The following ASIC2 variants were observed in gnomAD, a reference collection of about 807,000 sequenced individuals.
The protein encoded by ASIC2 is acid-sensing ion channel 2.
ASIC2 carries 25 observed loss-of-function variants against 57.3 expected under a neutral mutation model. The ratio of observed to expected loss-of-function variants is 0.44; its 90% CI spans 0.32 to 0.61. The LOEUF (loss-of-function observed/expected upper bound fraction) is 0.61, where lower values mean the gene tolerates loss of function less well. Among genes scored for constraint, ASIC2 ranks in the 20% least tolerant of loss-of-function variants. The pLI is 0.06. For synonymous variants in ASIC2, 319 were observed against 307.5 expected (o/e 1.04, Z -0.39); for missense variants, 641 against 738.1 (o/e 0.87, Z 1.52).
At chr17:33,517,986 G>A (rs945874669) in intron 1 of ASIC2, among the ~76,000 whole-genome samples, 15 of 152,216 alleles carry the variant, frequency 9.9e-5, no homozygotes, top group African/African-American at 3.6e-4. Context: ...TGCATGCTGG[G>A]AGCTGGCCTG....
rs906453369 is a variant in ASIC2, at chr17:34,045,587, G to A, written c.555+110391C>T. Among the ~76,000 whole-genome samples, 14 of 152,092 alleles carry A rather than the reference G, an allele frequency of 9.2e-5. 1 individual carries two copies. Among genetic ancestry groups the A allele is most frequent in the African/African-American group, 1.4e-4 (6 of 41,398 alleles). ...GCTACTGTCTGTCTATATGACTTTC[G>A]GCAAGTTACTTTCCCTGCATGGACT... On this transcript the variant is annotated intron_variant, in intron 1 of 9. Coordinates refer to the ASIC2 transcript ENST00000359872.
chr17:33,932,753 TATATATATAG>T (rs1273483789), intron 1 of ASIC2: 7 of 131,090 alleles, frequency 5.3e-5, no homozygotes, highest in African/African-American at 2.0e-4. Flanking sequence ...TATATATATA[TATATATATAG>T]TATGATAAAT....
At chr17:33,328,665 C>T (rs756513657) in intron 1 of ASIC2, among the ~76,000 whole-genome samples, 1 of 152,204 alleles carries the variant, frequency 6.6e-6, no homozygotes, top group African/African-American at 2.4e-5. Context: ...AGGATTTCCT[C>T]TCATCCACTC....
chr17:33,406,057 G>T (rs1244205620), intron 1 of ASIC2, among the ~76,000 whole-genome samples: 1 of 152,096 alleles, frequency 6.6e-6, no homozygotes, highest in Non-Finnish European at 1.5e-5. Context: ...CTTTGCCCTG[G>T]CTCCTTCTGC....
chr17:34,066,433 ATG>A (rs1424311424), intron 1 of ASIC2, among the ~76,000 whole-genome samples: 1 of 152,038 alleles, frequency 6.6e-6, no homozygotes, highest in Non-Finnish European at 1.5e-5. Context: ...CTCAGCATCT[ATG>A]TTTTTTTAAT....
At chr17:33,120,324 T>C (rs1476516353) in intron 1 of ASIC2, among the ~76,000 whole-genome samples, 1 of 152,154 alleles carries the variant, frequency 6.6e-6, no homozygotes, top group Non-Finnish European at 1.5e-5. Context: ...TCCAGAGAGC[T>C]TCAGACCGTG....
At chr17:33,759,184 G>A (rs1910703464) in intron 1 of ASIC2, among the ~76,000 whole-genome samples, 1 of 152,194 alleles carries the variant, frequency 6.6e-6, no homozygotes, top group Admixed American at 6.5e-5. Flanking sequence ...GGTGAACAAG[G>A]TATTGGAAAC....
At chr17:33,551,740 C>A (rs1915758520) in intron 1 of ASIC2, among the ~76,000 whole-genome samples, 1 of 152,206 alleles carries the variant, frequency 6.6e-6, no homozygotes, top group East Asian at 1.9e-4. Flanking sequence ...CCATAGCCAT[C>A]AGGATCCCTT....
rs137912755 is a variant in ASIC2 at position 33,156,362 on chromosome 17, G to A, written c.709-44295C>T. On this transcript the variant is annotated intron_variant, in intron 1 of 9. Coordinates refer to ENST00000225823, the MANE Select transcript of ASIC2 (RefSeq NM_183377.2). Reference sequence around the variant, plus strand: ...AGGCTGGTCTTGAACTCCTGACCCTGTAATCCACCCACCTTGGCCTCCCAA... The same window carrying A: ...AGGCTGGTCTTGAACTCCTGACCCTATAATCCACCCACCTTGGCCTCCCAA... 4.9e-3 allele frequency among the ~76,000 whole-genome samples: 744 copies of A among 152,010 alleles called. 5 individuals are homozygous for A. The highest frequency in any genetic ancestry group is 0.017 in the African/African-American group (704 of 41,474).
chr17:34,149,818 A>C (rs1000676303), intron 1 of ASIC2, among the ~76,000 whole-genome samples: 14 of 152,196 alleles, frequency 9.2e-5, no homozygotes, highest in African/African-American at 3.4e-4. Context: ...CCATTATGGA[A>C]AACAGTATGG....
chr17:33,302,705 G>A (rs1906009634), intron 1 of ASIC2, among the ~76,000 whole-genome samples: 1 of 152,140 alleles, frequency 6.6e-6, no homozygotes, highest in Non-Finnish European at 1.5e-5. Flanking sequence ...AAGAAGAGCA[G>A]AAAGGAAGAG....
intron 1 of ASIC2, among the ~76,000 whole-genome samples, chr17:33,289,974 C>T (rs929041036): frequency 6.6e-6 from 1 of 152,192 alleles, no homozygotes; most frequent in African/African-American, 2.4e-5. Context: ...CAGAATTGTG[C>T]TTGGAGTCCT....
At chr17:33,218,390 A>G (rs1256358180) in intron 1 of ASIC2, among the ~76,000 whole-genome samples, 1 of 152,190 alleles carries the variant, frequency 6.6e-6, no homozygotes, top group Admixed American at 6.5e-5. Context: ...CCTGTGTTCT[A>G]TTCATCTGAG....
intron 1 of ASIC2, among the ~76,000 whole-genome samples, chr17:33,734,597 C>T (rs2142093280): frequency 6.6e-6 from 1 of 152,328 alleles, no homozygotes; most frequent in South Asian, 2.1e-4. Flanking sequence ...TTGAAGCCCT[C>T]ACCCCCATTG....
chr17:33,043,963 GAATAA>G (rs1598250050), intron 3 of ASIC2, among the ~76,000 whole-genome samples: 1 of 152,148 alleles, frequency 6.6e-6, no homozygotes, highest in East Asian at 1.9e-4. Context: ...GGTTTGTGAT[GAATAA>G]AATAATAAGC....
intron 6 of ASIC2, among the ~76,000 whole-genome samples, chr17:33,021,689 C>T (rs1322068367): frequency 6.6e-6 from 1 of 152,246 alleles, no homozygotes; most frequent in Non-Finnish European, 1.5e-5. Context: ...GTGCCTGCTC[C>T]AGCTGACCTC....
chr17:33,453,410 A>G (rs549349939), intron 1 of ASIC2, among the ~76,000 whole-genome samples: 1 of 152,244 alleles, frequency 6.6e-6, no homozygotes, highest in South Asian at 2.1e-4. Flanking sequence ...GATGGACTCT[A>G]GAGCCAGAAA....
At chr17:33,779,842 G>C (rs1247573365) in intron 1 of ASIC2, among the ~76,000 whole-genome samples, 1 of 151,976 alleles carries the variant, frequency 6.6e-6, no homozygotes, top group Admixed American at 6.6e-5. Flanking sequence ...TATGTGGCAG[G>C]GACTCTTGCT....
chr17:33,353,338 C>T (rs1327685055), intron 1 of ASIC2, among the ~76,000 whole-genome samples: 5 of 151,946 alleles, frequency 3.3e-5, no homozygotes, highest in African/African-American at 9.7e-5. Flanking sequence ...TCTATCTATT[C>T]TTTTTTGTTT....
Sources: gnomAD v4.1 joint callset for allele counts (sites outside exome capture counted in the v4.1 genomes callset) on GRCh38, gnomAD v4.1.1 for gene constraint, MANE v1.5 for transcripts, NCBI Gene and HGNC (gene_info 2026-07-23, HGNC 2026-07-21) for gene names.